PTPRM: variants seen among roughly 807,000 people sequenced by gnomAD.
PTPRM encodes receptor-type tyrosine-protein phosphatase mu.
PTPRM carries 47 observed loss-of-function variants against 186.7 expected under a neutral mutation model. The observed-to-expected ratio is 0.25, with a 90% confidence interval of 0.20 to 0.32. The LOEUF is 0.32. PTPRM is among the 10% of genes least tolerant of loss of function. The probability of loss-of-function intolerance (pLI) is 1.00; values close to 1 mark genes in which losing one functional copy is unlikely to be tolerated. For synonymous variants in PTPRM, 668 were observed against 674.9 expected (o/e 0.99, Z 0.16); for missense variants, 1,494 against 1,865.0 (o/e 0.80, Z 3.66).
intron 13 of PTPRM, among the ~76,000 whole-genome samples, chr18:8,115,464 A>G (rs2091920798): frequency 6.6e-6 from 1 of 152,188 alleles, no homozygotes; most frequent in African/African-American, 2.4e-5. Flanking sequence ...GTGTTTGTGA[A>G]CATGAGCTGT....
chr18:7,744,654 C>A (rs1412131042), intron 1 of PTPRM, among the ~76,000 whole-genome samples: 11 of 151,984 alleles, frequency 7.2e-5, no homozygotes, highest in Non-Finnish European at 1.3e-4. Context: ...AATAAATGAA[C>A]CAGAGGCTAG....
In PTPRM at chr18:7,668,913, G is replaced by T. The variant is rs1020464468; in HGVS notation, c.73+101022G>T. Among the ~76,000 whole-genome samples the T allele has an allele frequency of 2.0e-5, 3 of 151,838 alleles. No individual in the cohort carries two copies. The highest frequency in any genetic ancestry group is 7.3e-5 in the African/African-American group (3 of 41,334). Reference sequence around the variant, plus strand: ...TGCCTGCCTCTCTGCTTGAACAGGGGATCTTTGTCTCTTTTCCTCAATGAC... The same window carrying T: ...TGCCTGCCTCTCTGCTTGAACAGGGTATCTTTGTCTCTTTTCCTCAATGAC... On this transcript the variant is annotated intron_variant, in intron 1 of 32. Coordinates refer to ENST00000580170, the MANE Select transcript of PTPRM (RefSeq NM_001105244.2). This position sits in a 1 kb window ranked among gnomAD's most constrained non-coding sequence, Gnocchi z 4.7.
At chr18:7,985,108 T>C (rs1331066916) in intron 7 of PTPRM, among the ~76,000 whole-genome samples, 2 of 130,176 alleles carry the variant, frequency 1.5e-5, no homozygotes, top group South Asian at 2.3e-4. Flanking sequence ...TATATATACA[T>C]ATAATTGTAT....
At chr18:8,158,285 G>C (rs1418796411) in intron 14 of PTPRM, among the ~76,000 whole-genome samples, 1 of 152,210 alleles carries the variant, frequency 6.6e-6, no homozygotes, top group Non-Finnish European at 1.5e-5. Context: ...TCTCAAGATG[G>C]AGTGTGTTGA....
intron 20 of PTPRM, among the ~76,000 whole-genome samples, chr18:8,305,617 C>T (rs2095213231): frequency 6.6e-6 from 1 of 152,182 alleles, no homozygotes; most frequent in Admixed American, 6.5e-5. Flanking sequence ...GGGATCCTAA[C>T]CTCCGTGCTC....
intron 23 of PTPRM, among the ~76,000 whole-genome samples, chr18:8,345,243 A>AAAGG (rs149493592): frequency 0.25 from 38,653 of 151,932 alleles, 5,032 homozygotes; most frequent in East Asian, 0.35. Context: ...AAAGAAAAAA[A>AAAGG]AAAGGAAATA....
chr18:8,379,976 T>C (rs543174267), intron 28 of PTPRM, among the ~76,000 whole-genome samples: 2 of 152,244 alleles, frequency 1.3e-5, no homozygotes, highest in Admixed American at 1.3e-4. Context: ...TTATGTGTAA[T>C]TTTAAAAGTA....
intron 14 of PTPRM, among the ~76,000 whole-genome samples, chr18:8,184,208 A>G (rs1167640298): frequency 6.6e-6 from 1 of 152,148 alleles, no homozygotes; most frequent in Non-Finnish European, 1.5e-5. Flanking sequence ...GCTGAAGTGG[A>G]CAATCTTTGG....
intron 5 of PTPRM, among the ~76,000 whole-genome samples, chr18:7,943,683 C>T (rs2052340432): frequency 6.6e-6 from 1 of 151,988 alleles, no homozygotes; most frequent in East Asian, 1.9e-4. Flanking sequence ...TTCTAGAAAC[C>T]TCCCTCATAT....
intron 2 of PTPRM, among the ~76,000 whole-genome samples, chr18:7,883,857 T>C (rs2048629483): frequency 6.6e-6 from 1 of 152,108 alleles, no homozygotes; most frequent in African/African-American, 2.4e-5. Flanking sequence ...GGTAAAGAAT[T>C]CCAGCTGGGC....
chr18:8,280,626 T>A (rs2094893003), intron 19 of PTPRM, among the ~76,000 whole-genome samples: 1 of 152,140 alleles, frequency 6.6e-6, no homozygotes, highest in Non-Finnish European at 1.5e-5. Context: ...ACATTAAATG[T>A]TAAAATTCAG....
intron 6 of PTPRM, 66 bp from the exon 7 acceptor site, chr18:7,955,055 C>A: frequency 7.2e-7 from 1 of 1,379,690 alleles, no homozygotes; most frequent in Non-Finnish European, 9.8e-7. Context: ...ATAATTGATG[C>A]ATGTTTAGCT....
chr18:7,574,921 A>C (rs888393533), intron 1 of PTPRM, among the ~76,000 whole-genome samples: 1 of 151,806 alleles, frequency 6.6e-6, no homozygotes. Flanking sequence ...AGTCCCAGCT[A>C]CTCCGGAAGC....
intron 31 of PTPRM, among the ~76,000 whole-genome samples, chr18:8,389,328 G>C (rs2095797244): frequency 6.6e-6 from 1 of 152,160 alleles, no homozygotes; most frequent in Non-Finnish European, 1.5e-5. Flanking sequence ...GAGGCACCAG[G>C]ACAGGCCTAA....
intron 2 of PTPRM, among the ~76,000 whole-genome samples, chr18:7,839,173 C>T (rs1001846923): frequency 2.6e-5 from 4 of 152,158 alleles, no homozygotes; most frequent in African/African-American, 9.7e-5. Context: ...ACTTGGTGCT[C>T]TACCCCACTG....
intron 1 of PTPRM, among the ~76,000 whole-genome samples, chr18:7,707,962 T>C (rs993719672): frequency 6.6e-6 from 1 of 152,232 alleles, no homozygotes; most frequent in African/African-American, 2.4e-5. Context: ...ATTCTGTCTA[T>C]TGACTGTTTC....
chr18:8,159,939 G>C (rs1411912304), intron 14 of PTPRM, among the ~76,000 whole-genome samples: 1 of 151,530 alleles, frequency 6.6e-6, no homozygotes. Context: ...ATATTATAAT[G>C]GACAGACTCC....
intron 7 of PTPRM, among the ~76,000 whole-genome samples, chr18:8,024,811 G>A (rs1278080413): frequency 6.6e-6 from 1 of 150,432 alleles, no homozygotes; most frequent in Non-Finnish European, 1.5e-5. Context: ...AGCCCCCCAA[G>A]TAGCTGGTAC....
chr18:8,339,442 C>T (rs985281685), intron 22 of PTPRM, among the ~76,000 whole-genome samples: 1 of 152,152 alleles, frequency 6.6e-6, no homozygotes, highest in African/African-American at 2.4e-5. Context: ...GCAGTGGCTC[C>T]CCCCCAGCCA....
Sources: gnomAD v4.1 joint callset for allele counts (sites outside exome capture counted in the v4.1 genomes callset) on GRCh38, gnomAD v4.1.1 for gene constraint, Gnocchi (gnomAD v3.1) non-coding constraint, MANE v1.5 for transcripts, NCBI Gene and HGNC (gene_info 2026-07-23, HGNC 2026-07-21) for gene names.